The following MEI4 variants were observed in gnomAD, a reference collection of about 807,000 sequenced individuals.
The protein encoded by MEI4 is meiotic double-stranded break formation protein 4, also known as meiosis-specific protein MEI4.
MEI4 carries 27 observed loss-of-function variants against 31.4 expected under a neutral mutation model. That is an observed-to-expected ratio of 0.86 (90% CI 0.63 to 1.19). The LOEUF is 1.19. Ranked by LOEUF, MEI4 falls within the 50% of genes most tolerant of loss-of-function variation. MEI4 has a pLI of 0.00. For missense variants in MEI4, 329 were observed against 398.9 expected, an observed-to-expected ratio of 0.82 and a Z score of 1.49; for synonymous variants, 122 against 145.4, an observed-to-expected ratio of 0.84 and a Z score of 1.16.
intron 4 of MEI4, among the ~76,000 whole-genome samples, chr6:77,908,816 T>C (rs141251497): frequency 0.011 from 1,703 of 152,202 alleles, 27 homozygotes; most frequent in African/African-American, 0.039. Flanking sequence ...TAAATATATA[T>C]GTACCCAATA....
rs1208308165 is a variant in MEI4, at chr6:77,687,959, T to C, written c.-14-2699T>C. On this transcript the variant is annotated intron_variant, in intron 1 of 4. Coordinates refer to ENST00000684080, the MANE Select transcript of MEI4 (RefSeq NM_001322247.2). ...TGGAGGCTTGGGGTGGGACTGAAAG[T>C]TCCAAGCTTTTAATTATGGTTTGGT... 2.0e-5 allele frequency among the ~76,000 whole-genome samples: 3 copies of C among 152,076 alleles called. No homozygotes were observed. The East Asian group carries it at 5.8e-4, about 29-fold the overall frequency.
chr6:77,826,831 G>A (rs895517838), intron 3 of MEI4, among the ~76,000 whole-genome samples: 1 of 152,034 alleles, frequency 6.6e-6, no homozygotes, highest in Admixed American at 6.6e-5. Context: ...AATAATTCAC[G>A]GCTCTTCTCC....
At chr6:77,920,832 G>T (rs1024165532) in intron 4 of MEI4, among the ~76,000 whole-genome samples, 1 of 151,826 alleles carries the variant, frequency 6.6e-6, no homozygotes, top group Non-Finnish European at 1.5e-5. Context: ...TCTTTTGAAA[G>T]GAATCTTTTC....
At chr6:77,907,116 T>C (rs1318227177) in intron 4 of MEI4, among the ~76,000 whole-genome samples, 1 of 152,044 alleles carries the variant, frequency 6.6e-6, no homozygotes, top group Non-Finnish European at 1.5e-5. Flanking sequence ...AAATAAAACA[T>C]GGGAGAATAT....
At chr6:77,702,294 A>G (rs914922692) in intron 2 of MEI4, among the ~76,000 whole-genome samples, 3 of 152,248 alleles carry the variant, frequency 2.0e-5, no homozygotes, top group African/African-American at 7.2e-5. Context: ...AGCATTTATA[A>G]GTTGGGGCAT....
At chr6:77,862,094 A>C (rs1770880743) in intron 4 of MEI4, among the ~76,000 whole-genome samples, 1 of 151,922 alleles carries the variant, frequency 6.6e-6, no homozygotes. Flanking sequence ...GGGTGGAGCC[A>C]AGATGGCCGA....
chr6:77,671,679 A>T (rs965956803), intron 1 of MEI4, among the ~76,000 whole-genome samples: 1 of 144,040 alleles, frequency 6.9e-6, no homozygotes, highest in African/African-American at 2.7e-5. Context: ...CAGTGTATCT[A>T]TAAGGCCTTT....
At chr6:77,749,422 A>T (rs1767705658) in intron 2 of MEI4, among the ~76,000 whole-genome samples, 1 of 152,174 alleles carries the variant, frequency 6.6e-6, no homozygotes, top group Non-Finnish European at 1.5e-5. Context: ...AGAAGAACAT[A>T]AATGACCTGA....
intron 1 of MEI4, among the ~76,000 whole-genome samples, chr6:77,679,629 C>G (rs1057186038): frequency 6.6e-6 from 1 of 152,138 alleles, no homozygotes; most frequent in Non-Finnish European, 1.5e-5. Context: ...ATTTTTGACT[C>G]TTTTCACCGT....
At chr6:77,803,324 A>G (rs1157387498) in intron 3 of MEI4, among the ~76,000 whole-genome samples, 3 of 152,114 alleles carry the variant, frequency 2.0e-5, no homozygotes, top group African/African-American at 4.8e-5. Context: ...CAGCTCCATC[A>G]GGTCCTTTAA....
At chr6:77,688,584 T>C (rs946190244) in intron 1 of MEI4, among the ~76,000 whole-genome samples, 1 of 152,144 alleles carries the variant, frequency 6.6e-6, no homozygotes, top group Non-Finnish European at 1.5e-5. Flanking sequence ...TAATTAAATA[T>C]CTCTGCAGGA....
intron 2 of MEI4, among the ~76,000 whole-genome samples, chr6:77,731,105 T>C (rs2127667443): frequency 6.6e-6 from 1 of 152,112 alleles, no homozygotes; most frequent in East Asian, 1.9e-4. Context: ...CATGTGTCTT[T>C]ATAGCAGCAT....
At chr6:77,840,186 C>T (rs577764027) in intron 4 of MEI4, among the ~76,000 whole-genome samples, 107 of 152,178 alleles carry the variant, frequency 7.0e-4, no homozygotes, top group Non-Finnish European at 1.3e-3. Context: ...AAAAAGTAAA[C>T]GTTAGAACTG....
chr6:77,703,969 A>G (rs536331621), intron 2 of MEI4, among the ~76,000 whole-genome samples: 1 of 152,278 alleles, frequency 6.6e-6, no homozygotes, highest in Non-Finnish European at 1.5e-5. Flanking sequence ...GAAGGACAGC[A>G]TGCTGGTACT....
At chr6:77,775,543 C>T (rs951584038) in intron 3 of MEI4, among the ~76,000 whole-genome samples, 3 of 152,012 alleles carry the variant, frequency 2.0e-5, no homozygotes, top group Non-Finnish European at 4.4e-5. Flanking sequence ...TGTGGTATTT[C>T]ATGGTATATT....
chr6:77,863,344 T>G (rs1327168414), intron 4 of MEI4, among the ~76,000 whole-genome samples: 1 of 151,258 alleles, frequency 6.6e-6, no homozygotes, highest in Non-Finnish European at 1.5e-5. Context: ...GAAAAAAAAT[T>G]AGACGAATGG....
At chr6:77,687,262 A>G (rs796601351) in intron 1 of MEI4, among the ~76,000 whole-genome samples, 22 of 152,226 alleles carry the variant, frequency 1.4e-4, no homozygotes, top group African/African-American at 5.1e-4. Context: ...GAATTAAGAG[A>G]CACTACATAC....
chr6:77,663,899 T>C (rs202186335), intron 1 of MEI4, among the ~76,000 whole-genome samples: 8,223 of 152,204 alleles, frequency 0.054, 287 homozygotes, highest in East Asian at 0.18. Context: ...TGGGAGTGGC[T>C]GCCAGGTGAG....
In MEI4 at chr6:77,654,568, A is replaced by G. The variant is rs982101267; in HGVS notation, c.-15+1476A>G. ...ATTGAAAACAATAATACAACACTAA[A>G]AAAAAAATGAATAAAAGTACTACTA... On this transcript the variant is annotated intron_variant, in intron 1 of 4. Transcript: ENST00000684080. 7.0e-4 allele frequency among the ~76,000 whole-genome samples: 53 copies of G among 76,136 alleles called. 3 individuals are homozygous for G. Among genetic ancestry groups the G allele is most frequent in the Admixed American group, 2.5e-3 (19 of 7,696 alleles). 49.9% of individuals were successfully genotyped at this position (76,136 alleles called of 152,430 possible).
Sources: allele counts gnomAD v4.1 joint callset (sites outside exome capture counted in the v4.1 genomes callset), GRCh38; gene constraint gnomAD v4.1.1; transcripts MANE v1.5; gene names NCBI Gene and HGNC (gene_info 2026-07-23, HGNC 2026-07-21).